OPCML: variants seen among roughly 807,000 people sequenced by gnomAD.
The protein encoded by OPCML is opioid-binding protein/cell adhesion molecule.
A neutral mutation model predicts 37.8 loss-of-function variants in OPCML; 13 were observed. The observed-to-expected ratio is 0.34, with a 90% CI of 0.22 to 0.55. OPCML has a LOEUF of 0.55. Ranked by LOEUF, OPCML falls within the 20% of genes least tolerant of loss-of-function variation. OPCML has a pLI of 0.91. For missense variants in OPCML, 341 were observed against 435.6 expected (o/e 0.78, Z 1.93); for synonymous variants, 176 against 168.8 (o/e 1.04, Z -0.33).
chr11:133,434,228 T>G (rs1436613526), intron 1 of OPCML, among the ~76,000 whole-genome samples: 2 of 152,162 alleles, frequency 1.3e-5, no homozygotes, highest in African/African-American at 4.8e-5. Context: ...TCTTCGCTTA[T>G]TCTGTTTCCT....
At chr11:132,636,022 G>A (rs150485738) in intron 3 of OPCML, among the ~76,000 whole-genome samples, 6 of 152,256 alleles carry the variant, frequency 3.9e-5, no homozygotes, top group South Asian at 2.1e-4. Flanking sequence ...AATGAAACCC[G>A]TCTTTACATG....
At chr11:132,771,262 C>T (rs1447219877) in intron 2 of OPCML, among the ~76,000 whole-genome samples, 1 of 152,182 alleles carries the variant, frequency 6.6e-6, no homozygotes, top group Non-Finnish European at 1.5e-5. Flanking sequence ...CTATACAATG[C>T]ATTTTTTCCC....
chr11:132,653,391 C>T (rs1023899028), intron 3 of OPCML, among the ~76,000 whole-genome samples: 3 of 152,142 alleles, frequency 2.0e-5, no homozygotes, highest in African/African-American at 7.2e-5. Flanking sequence ...GCTTGTGCCT[C>T]CAGCTTCTCC....
intron 1 of OPCML, chr11:133,024,463 A>G: frequency 1.0e-6 from 1 of 984,222 alleles, no homozygotes; most frequent in African/African-American, 1.7e-5. Context: ...GCAGCTGCTC[A>G]CACAGCAGAG....
Position 133,212,020 on chromosome 11 carries a change from C to T in OPCML, c.62-269010G>A, listed in dbSNP as rs557016878. On this transcript the variant is annotated intron_variant, in intron 1 of 7. Coordinates refer to ENST00000524381, the MANE Select transcript of OPCML (RefSeq NM_001012393.5). The surrounding 1 kb of genome is among the most constrained non-coding windows in gnomAD (Gnocchi z 4.9). ...GCATACAGCCTGATAGCAGATTGACCGTGCCAGCTGTCACTTTTACAATCT... is the reference window on the plus strand; with the variant it reads ...GCATACAGCCTGATAGCAGATTGACTGTGCCAGCTGTCACTTTTACAATCT... 1.9e-4 allele frequency among the ~76,000 whole-genome samples: 29 copies of T among 152,222 alleles called. No individual in the cohort carries two copies. Among genetic ancestry groups the T allele is most frequent in the African/African-American group, 6.0e-4 (25 of 41,540 alleles).
intron 2 of OPCML, among the ~76,000 whole-genome samples, chr11:132,871,243 C>T (rs765254898): frequency 6.6e-6 from 1 of 151,460 alleles, no homozygotes; most frequent in African/African-American, 2.4e-5. Flanking sequence ...TCAGCCCTCC[C>T]TATCTGTGGG....
chr11:133,344,274 A>C, intron 1 of OPCML, among the ~76,000 whole-genome samples: 1 of 152,210 alleles, frequency 6.6e-6, no homozygotes, highest in East Asian at 1.9e-4. Flanking sequence ...AAATGAACCC[A>C]CTGACAGTCT....
In OPCML at chr11:132,792,940, T is replaced by C. The variant is rs942531270; in HGVS notation, c.147-135621A>G. 3.9e-5 allele frequency among the ~76,000 whole-genome samples: 6 copies of C among 152,356 alleles called. No individual in the cohort carries two copies. In the East Asian group the frequency reaches 1.2e-3, roughly 29 times the overall value. ...TAAGCATGACGGAGCCCAGTGCTCC[T>C]GACAGGACTCACATTTCCAGCCGGA... On this transcript the variant is annotated intron_variant, in intron 2 of 7. Transcript: ENST00000524381.
intron 2 of OPCML, 172 bp from the exon 3 acceptor site, chr11:132,657,491 G>A (rs1941766219): frequency 1.2e-6 from 1 of 865,768 alleles, no homozygotes; most frequent in South Asian, 5.3e-5. Context: ...AACTAAGAGT[G>A]ACCAGAATCA....
chr11:133,035,627 G>A (rs868213867), intron 1 of OPCML, among the ~76,000 whole-genome samples: 1 of 152,304 alleles, frequency 6.6e-6, no homozygotes, highest in African/African-American at 2.4e-5. Context: ...CTTGGGGACT[G>A]AATCGTGCCC....
chr11:132,861,679 CA>C (rs1303767130), intron 2 of OPCML, among the ~76,000 whole-genome samples: 1 of 151,780 alleles, frequency 6.6e-6, no homozygotes, highest in Non-Finnish European at 1.5e-5. Context: ...TACAAAAATA[CA>C]AAAAATTAGC....
chr11:132,992,592 C>T (rs995238016), intron 1 of OPCML, among the ~76,000 whole-genome samples: 13 of 152,020 alleles, frequency 8.6e-5, no homozygotes, highest in Non-Finnish European at 1.6e-4. Context: ...GTGTGTGTAT[C>T]GGGGAGAGGC....
At chr11:133,410,198 T>G (rs575021925) in intron 1 of OPCML, among the ~76,000 whole-genome samples, 1 of 152,202 alleles carries the variant, frequency 6.6e-6, no homozygotes. Flanking sequence ...CCCAGCACAG[T>G]GCTTGCAGCA....
intron 1 of OPCML, among the ~76,000 whole-genome samples, chr11:133,272,349 T>C (rs542694897): frequency 2.6e-5 from 4 of 152,266 alleles, no homozygotes; most frequent in African/African-American, 9.6e-5. Context: ...AAATTGCAGT[T>C]ATTTATTATC....
At chr11:132,828,293 C>T (rs1243700094) in intron 2 of OPCML, among the ~76,000 whole-genome samples, 2 of 152,068 alleles carry the variant, frequency 1.3e-5, no homozygotes, top group Admixed American at 6.5e-5. Flanking sequence ...CATAACCACC[C>T]GGTATGATAC....
chr11:133,454,009 T>C (rs1946628106), intron 1 of OPCML, among the ~76,000 whole-genome samples: 2 of 152,156 alleles, frequency 1.3e-5, no homozygotes, highest in South Asian at 2.1e-4. Flanking sequence ...AACCTAATCT[T>C]GGGTTTGGAA....
chr11:132,538,113 G>A (rs1469788417), intron 3 of OPCML, among the ~76,000 whole-genome samples: 1 of 152,174 alleles, frequency 6.6e-6, no homozygotes, highest in Non-Finnish European at 1.5e-5. Flanking sequence ...GTGCATGAAT[G>A]TTTGAGGCAG....
At position 133,140,931 on chromosome 11, in the gene OPCML, C is replaced by T. The variant is rs866052434; in HGVS notation, c.62-197921G>A. On this transcript the variant is annotated intron_variant, in intron 1 of 7. Transcript: ENST00000524381. ...ACGAAGAAGAAGAAGACGACGACGA[C>T]GAAGAAGAAGAAGACGACGAAGAAG... Among the ~76,000 whole-genome samples, 15 of 4,522 alleles carry T rather than the reference C, an allele frequency of 3.3e-3. 6 individuals are homozygous for T. Among genetic ancestry groups the T allele is most frequent in the Admixed American group, 8.5e-3 (2 of 236 alleles). 3.0% of individuals were successfully genotyped at this position (4,522 alleles called of 152,430 possible). A position where few individuals can be genotyped will look rare whatever the true frequency, so the allele number is the denominator to read the frequency against.
intron 1 of OPCML, among the ~76,000 whole-genome samples, chr11:133,137,328 AT>A (rs756582025): frequency 1.6e-4 from 25 of 152,204 alleles, no homozygotes; most frequent in Admixed American, 4.6e-4. Context: ...GCTTATTTAT[AT>A]TTTAACTCTA....
Sources: allele counts gnomAD v4.1 joint callset (sites outside exome capture counted in the v4.1 genomes callset), GRCh38; gene constraint gnomAD v4.1.1; non-coding constraint Gnocchi (gnomAD v3.1); transcripts MANE v1.5; gene names NCBI Gene and HGNC (gene_info 2026-07-23, HGNC 2026-07-21).